Variants in SLC5A4 observed in about 807,000 individuals in gnomAD.
SLC5A4 encodes probable glucose sensor protein SLC5A4.
A neutral mutation model predicts 70.3 loss-of-function variants in SLC5A4; 55 were observed. The ratio of observed to expected loss-of-function variants is 0.78; its 90% CI spans 0.63 to 0.98. The LOEUF is 0.98. Ranked by LOEUF, SLC5A4 falls within the 50% of genes least tolerant of loss-of-function variation. The pLI is 0.00. For missense variants in SLC5A4, 735 were observed against 839.2 expected (o/e 0.88, Z 1.53); for synonymous variants, 268 against 305.7 (o/e 0.88, Z 1.29).
chr22:32,239,097 A>C lies in SLC5A4; in HGVS notation c.478-7T>G. ...CTCCAGCAAATATGTCTGCCTAAAA[A>C]GGGAACAGTCAGGATGAGAAAGAAA... is the stretch of plus-strand genomic sequence containing the variant. On this transcript the variant is annotated splice_region_variant and splice_polypyrimidine_tract_variant and intron_variant, in intron 5 of 14. Transcript: ENST00000266086. 3.1e-6 allele frequency: 5 copies of C among 1,606,376 alleles called. No homozygotes were observed.
At position 32,251,682 on chromosome 22, in the gene SLC5A4, C is replaced by G; in HGVS notation, c.312+88G>C. 5.9e-6 allele frequency: 5 copies of G among 844,950 alleles called. No homozygotes were observed. The South Asian group carries it at 7.0e-5, about 12-fold the overall frequency. 52.3% of individuals were successfully genotyped at this position (844,950 alleles called of 1,614,324 possible). The stretch of plus-strand genomic sequence containing the variant: ...TTCTGTTCTTTATAAATTATCCAGC[C>G]TGTGATATTCTGTCATAGCAGCATA... On this transcript the variant is annotated intron_variant, in intron 3 of 14. Coordinates refer to ENST00000266086, the MANE Select transcript of SLC5A4 (RefSeq NM_014227.3).
chr22:32,224,945 C>T (rs1198007886), intron 12 of SLC5A4, among the ~76,000 whole-genome samples: 1 of 152,092 alleles, frequency 6.6e-6, no homozygotes, highest in African/African-American at 2.4e-5. Context: ...TTCCTCTGCT[C>T]AAGATGTTAT....
the SLC5A4 span, among the ~76,000 whole-genome samples, chr22:32,313,869 AAC>A: frequency 6.6e-6 from 1 of 152,170 alleles, no homozygotes; most frequent in African/African-American, 2.4e-5. Context: ...GATGCTCACT[AAC>A]ACAGGTGGAG....
the SLC5A4 span, among the ~76,000 whole-genome samples, chr22:32,265,776 G>T: frequency 6.6e-6 from 1 of 152,024 alleles, no homozygotes; most frequent in African/African-American, 2.4e-5. Context: ...GGAGGTGGAG[G>T]TTGCAGTGAG....
the SLC5A4 span, among the ~76,000 whole-genome samples, chr22:32,282,408 C>T: frequency 5.6e-5 from 8 of 142,260 alleles, no homozygotes; most frequent in Non-Finnish European, 1.2e-4. Flanking sequence ...GACTCTGCTG[C>T]TCTCAGCCTC....
the SLC5A4 span, among the ~76,000 whole-genome samples, chr22:32,262,138 T>G: frequency 6.6e-6 from 1 of 152,182 alleles, no homozygotes; most frequent in Non-Finnish European, 1.5e-5. Flanking sequence ...AATACGAGAG[T>G]GCAAATATCT....
chr22:32,312,884 C>T, the SLC5A4 span, among the ~76,000 whole-genome samples: 32 of 152,282 alleles, frequency 2.1e-4, no homozygotes, highest in Admixed American at 2.0e-3. Context: ...TCACTGGGGA[C>T]ATTTCTCTCT....
the SLC5A4 span, among the ~76,000 whole-genome samples, chr22:32,282,867 C>T: frequency 9.9e-5 from 15 of 152,206 alleles, no homozygotes; most frequent in East Asian, 1.9e-4. Context: ...CCAGCGCATC[C>T]GGGATCTGAT....
the SLC5A4 span, among the ~76,000 whole-genome samples, chr22:32,341,300 AG>A: frequency 2.0e-5 from 3 of 152,178 alleles, no homozygotes; most frequent in Admixed American, 2.0e-4. Flanking sequence ...CTCTAAGATC[AG>A]GGAGATGAGG....
At chr22:32,277,281 T>C in the SLC5A4 span, 1 of 152,254 alleles carries the variant, frequency 6.6e-6, no homozygotes, top group Admixed American at 6.5e-5. Context: ...TTCAAACATG[T>C]ATTTCCTTAA....
the SLC5A4 span, among the ~76,000 whole-genome samples, chr22:32,260,508 C>CAAA: frequency 1.6e-3 from 199 of 124,936 alleles, no homozygotes; most frequent in African/African-American, 5.1e-3. Context: ...ATTTTGGTGA[C>CAAA]AAAAAAAAAA....
At chr22:32,350,254 GC>G in the SLC5A4 span, among the ~76,000 whole-genome samples, 2 of 152,104 alleles carry the variant, frequency 1.3e-5, no homozygotes, top group Middle Eastern at 3.2e-3. Context: ...ACTTAATACT[GC>G]CCCCATTGTA....
the SLC5A4 span, among the ~76,000 whole-genome samples, chr22:32,329,707 GGTGTGTGTTGGGGACTCTGGT>G: frequency 1.1e-4 from 1 of 8,944 alleles, no homozygotes. Context: ...TGGGGGCTCT[GGTGTGTGTTGGGGACTCTGGT>G]GTGTGTGTGT....
At chr22:32,330,766 A>ATG in the SLC5A4 span, among the ~76,000 whole-genome samples, 1 of 30,734 alleles carries the variant, frequency 3.3e-5, no homozygotes, top group African/African-American at 1.4e-4. Context: ...GCTCTGGTGT[A>ATG]TGTGTTGGGG....
intron 5 of SLC5A4, among the ~76,000 whole-genome samples, chr22:32,239,545 TA>T (rs1926300977): frequency 1.8e-3 from 22 of 12,482 alleles, no homozygotes; most frequent in South Asian, 0.015. Context: ...TATATATATA[TA>T]TATATATATA....
chr22:32,351,747 GC>G, the SLC5A4 span, among the ~76,000 whole-genome samples: 12 of 30,992 alleles, frequency 3.9e-4, no homozygotes, highest in African/African-American at 7.8e-4. Flanking sequence ...TGGGGGGAGG[GC>G]GGGGGGGGGG....
At chr22:32,353,824 C>T in the SLC5A4 span, among the ~76,000 whole-genome samples, 1 of 151,650 alleles carries the variant, frequency 6.6e-6, no homozygotes, top group East Asian at 2.0e-4. Flanking sequence ...GAATAGTGCC[C>T]CCAACCAGAC....
At chr22:32,260,947 C>T in the SLC5A4 span, among the ~76,000 whole-genome samples, 1 of 152,122 alleles carries the variant, frequency 6.6e-6, no homozygotes, top group East Asian at 1.9e-4. Context: ...ATGGCGGGCT[C>T]CTGTAATCCC....
chr22:32,331,782 T>C, the SLC5A4 span, among the ~76,000 whole-genome samples: 2 of 152,170 alleles, frequency 1.3e-5, no homozygotes, highest in East Asian at 3.9e-4. Flanking sequence ...CCAGATCCCA[T>C]GCCCCTCGGC....
Sources: gnomAD v4.1 joint callset for allele counts (sites outside exome capture counted in the v4.1 genomes callset) on GRCh38, gnomAD v4.1.1 for gene constraint, MANE v1.5 for transcripts, NCBI Gene and HGNC (gene_info 2026-07-23, HGNC 2026-07-21) for gene names.